SLC36A1: variants seen among roughly 807,000 people sequenced by gnomAD.
SLC36A1 encodes proton-coupled amino acid transporter 1.
Under a neutral mutation model 47.5 loss-of-function variants are expected in SLC36A1, and 30 were observed. That is an observed-to-expected ratio of 0.63 (90% CI 0.47 to 0.86). The LOEUF (loss-of-function observed/expected upper bound fraction) is 0.86. Ranked by LOEUF, SLC36A1 falls within the 40% of genes least tolerant of loss-of-function variation. The pLI is 0.00. For missense variants in SLC36A1, 517 were observed against 606.0 expected, an observed-to-expected ratio of 0.85 and a Z score of 1.54; for synonymous variants, 255 against 249.7, an observed-to-expected ratio of 1.02 and a Z score of -0.20.
At chr5:151,347,749 AT>A in the SLC36A1 span, among the ~76,000 whole-genome samples, 674 of 152,282 alleles carry the variant, frequency 4.4e-3, 3 homozygotes, top group Middle Eastern at 0.017. Flanking sequence ...AATGATAACT[AT>A]TATACTGATA....
At chr5:151,366,387 AC>A in the SLC36A1 span, 1 of 175,534 alleles carries the variant, frequency 5.7e-6, no homozygotes, top group Admixed American at 6.3e-5. Context: ...AAAATTGGTC[AC>A]TGTTTCAAGG....
At chr5:151,542,173 G>T in the SLC36A1 span, 2 of 1,027,618 alleles carry the variant, frequency 1.9e-6, no homozygotes, top group Non-Finnish European at 1.4e-6. Context: ...TGTGCCCAAG[G>T]TCACACTGCT....
the SLC36A1 span, chr5:151,553,317 C>A: frequency 5.6e-6 from 9 of 1,614,238 alleles, no homozygotes; most frequent in Non-Finnish European, 7.6e-6. Flanking sequence ...CGGCCGGGGC[C>A]AAGGGATCCA....
chr5:151,534,970 A>AAAATATATATATAT, the SLC36A1 span, among the ~76,000 whole-genome samples: 1 of 106,418 alleles, frequency 9.4e-6, no homozygotes, highest in Non-Finnish European at 2.1e-5. Flanking sequence ...CTTCTAGGAA[A>AAAATATATATATAT]ATATATATAT....
the SLC36A1 span, among the ~76,000 whole-genome samples, chr5:151,498,794 G>T: frequency 1.3e-5 from 2 of 152,308 alleles, no homozygotes; most frequent in South Asian, 2.1e-4. Flanking sequence ...TGGAAGCTCT[G>T]CTTTAAGACC....
At chr5:151,399,798 T>TAAAA in the SLC36A1 span, among the ~76,000 whole-genome samples, 1 of 152,216 alleles carries the variant, frequency 6.6e-6, no homozygotes, top group East Asian at 1.9e-4. Flanking sequence ...TATCAGATAT[T>TAAAA]TTCTCTAGCA....
At chr5:151,528,208 T>G in the SLC36A1 span, 139 of 1,559,212 alleles carry the variant, frequency 8.9e-5, no homozygotes, top group Non-Finnish European at 1.1e-4. Context: ...GAAACAGATA[T>G]GTCCCTGCCC....
chr5:151,531,168 A>T, the SLC36A1 span, among the ~76,000 whole-genome samples: 1 of 152,098 alleles, frequency 6.6e-6, no homozygotes, highest in Non-Finnish European at 1.5e-5. The surrounding 1 kb of genome is among the most constrained non-coding windows in gnomAD (Gnocchi z 5.7). Flanking sequence ...TTTGGAGTGG[A>T]TGTGGGGACT....
chr5:151,476,721 C>T lies in SLC36A1; in HGVS notation c.954C>T (p.Ile318=), dbSNP rs1758107661. The T allele has an allele frequency of 1.2e-6, 2 of 1,612,480 alleles. No individual in the cohort carries two copies. The highest frequency in any genetic ancestry group is 2.7e-5 in the African/African-American group (2 of 74,860). ...GGTACCTGCAATTTGGAGCTAATAT[C>T]CAAGGCAGCATAACCCTCAACCTGC... ...CLGYLQFGAN[I]QGSITLNLPN... is the part of the protein sequence containing the mutation. The change falls in exon 9 of 11, where the codon ATC becomes ATT. Residue 318 remains isoleucine (I), a synonymous_variant. Transcript: ENST00000243389.
Position 151,455,541 on chromosome 5 carries a change from G to A in SLC36A1, c.-5-3247G>A, listed in dbSNP as rs143841152. On this transcript the variant is annotated intron_variant, in intron 1 of 10. Transcript: ENST00000243389. ...AGTGTTTGAGATAAATTGAACATCT[G>A]TACCAAGTAGACAACAGAGAGGTTT... Among the ~76,000 whole-genome samples the A allele has an allele frequency of 9.5e-4, 144 of 152,088 alleles. No homozygotes were observed. In the East Asian group the frequency reaches 0.026, roughly 27 times the overall value.
At chr5:151,507,496 T>C in the SLC36A1 span, 2 of 1,614,058 alleles carry the variant, frequency 1.2e-6, no homozygotes, top group East Asian at 2.2e-5. Flanking sequence ...CTTATGATAA[T>C]GAACGCCACG....
chr5:151,365,265 C>G, the SLC36A1 span, among the ~76,000 whole-genome samples: 3 of 152,174 alleles, frequency 2.0e-5, no homozygotes, highest in African/African-American at 4.8e-5. Context: ...TTCTATAAAC[C>G]TCTGCTCAGT....
chr5:151,476,513 C>T (rs1581186659), intron 8 of SLC36A1, 77 bp from the exon 9 acceptor site: 2 of 1,199,980 alleles, frequency 1.7e-6, no homozygotes, highest in Admixed American at 4.8e-5. Flanking sequence ...TACTTTTTTT[C>T]TGAGGTTTTT....
intron 6 of SLC36A1, 96 bp downstream of exon 6, chr5:151,467,379 G>GCTTT (rs1256943191): frequency 1.2e-6 from 1 of 856,360 alleles, no homozygotes; most frequent in Non-Finnish European, 1.8e-6. Context: ...TTCCAAATCA[G>GCTTT]CTTTTGTCAA....
the SLC36A1 span, chr5:151,543,776 T>G: frequency 1.9e-6 from 3 of 1,613,970 alleles, no homozygotes; most frequent in Admixed American, 5.0e-5. Flanking sequence ...ACCCTCAAAT[T>G]GTAAGAAGAG....
chr5:151,512,685 A>ATGT, the SLC36A1 span: 1 of 1,316,822 alleles, frequency 7.6e-7, no homozygotes, highest in Non-Finnish European at 1.0e-6. This position sits in a 1 kb window ranked among gnomAD's most constrained non-coding sequence, Gnocchi z 4.1. Flanking sequence ...AGTTCAAAGA[A>ATGT]TGTTGTTTGT....
At chr5:151,344,937 G>T in the SLC36A1 span, among the ~76,000 whole-genome samples, 8 of 152,128 alleles carry the variant, frequency 5.3e-5, no homozygotes, top group African/African-American at 1.7e-4. Flanking sequence ...GTCTGGCGGG[G>T]CATAACCATT....
the SLC36A1 span, among the ~76,000 whole-genome samples, chr5:151,535,728 GTGT>G: frequency 6.6e-6 from 1 of 152,198 alleles, no homozygotes; most frequent in Non-Finnish European, 1.5e-5. Context: ...CTTGCAACTG[GTGT>G]CTGGGTAAGG....
At chr5:151,516,434 T>C in the SLC36A1 span, among the ~76,000 whole-genome samples, 2 of 152,132 alleles carry the variant, frequency 1.3e-5, no homozygotes, top group Middle Eastern at 3.2e-3. Flanking sequence ...AAGAATCACC[T>C]GAACCCAGGA....
Sources: allele counts gnomAD v4.1 joint callset (sites outside exome capture counted in the v4.1 genomes callset), GRCh38; gene constraint gnomAD v4.1.1; non-coding constraint Gnocchi (gnomAD v3.1); transcripts MANE v1.5; gene names NCBI Gene and HGNC (gene_info 2026-07-23, HGNC 2026-07-21).